Variants in IQSEC3 observed in about 807,000 individuals in gnomAD.
IQSEC3 encodes the protein IQ motif and Sec7 domain ArfGEF 3.
In IQSEC3, 50 loss-of-function variants were observed where a neutral mutation model predicts 105.4. The ratio of observed to expected loss-of-function variants is 0.47; its 90% confidence interval spans 0.38 to 0.60. The LOEUF (loss-of-function observed/expected upper bound fraction) is 0.60. Among genes scored for constraint, IQSEC3 ranks in the 20% least tolerant of loss-of-function variants. The probability of loss-of-function intolerance (pLI) is 0.00; values close to 1 mark genes in which losing one functional copy is unlikely to be tolerated. For synonymous variants in IQSEC3, 708 were observed against 746.0 expected, an observed-to-expected ratio of 0.95 and a Z score of 0.83; for missense variants, 1,415 against 1,630.0, an observed-to-expected ratio of 0.87 and a Z score of 2.27.
chr12:138,768 G>A lies in IQSEC3; in HGVS notation c.1405G>A (p.Glu469Lys), dbSNP rs781902421. The change falls in exon 4 of 14, where the codon GAG (glutamate) becomes AAG (lysine). Residue 469 changes from glutamate (E) to lysine (K), a missense_variant. Physicochemically the swap from Glu to Lys is moderately conservative, Grantham distance 56 (BLOSUM62 1). Around this residue, in one of 6 missense-constraint regions of IQSEC3, gnomAD observed 720 missense variants for 633.0 expected, o/e 1.14. Coordinates refer to ENST00000538872, the MANE Select transcript of IQSEC3 (RefSeq NM_001170738.2). The surrounding 1 kb of genome is among the most constrained non-coding windows in gnomAD (Gnocchi z 7.1). ...AGPGPGDDAAETPGLPPAHSG... is the reference protein window; with the variant it reads ...AGPGPGDDAAKTPGLPPAHSG... Reference sequence around the variant, plus strand: ...CCCCGGGCCCGGGGATGACGCCGCGGAGACCCCCGGCCTGCCCCCGGCCCA... The same window carrying A: ...CCCCGGGCCCGGGGATGACGCCGCGAAGACCCCCGGCCTGCCCCCGGCCCA... 14 of 1,581,850 alleles carry A rather than the reference G, an allele frequency of 8.9e-6. No individual in the cohort carries two copies. The highest frequency in any genetic ancestry group is 1.0e-5 in the Non-Finnish European group (12 of 1,168,242).
At chr12:154,584 G>A (rs1866619768) in intron 5 of IQSEC3, among the ~76,000 whole-genome samples, 1 of 152,186 alleles carries the variant, frequency 6.6e-6, no homozygotes. Flanking sequence ...GAGGACCCAG[G>A]CCTCTTTCTT....
intron 1 of IQSEC3, among the ~76,000 whole-genome samples, chr12:81,115 A>G (rs1366895523): frequency 6.6e-6 from 1 of 152,170 alleles, no homozygotes; most frequent in Admixed American, 6.5e-5. Context: ...AGTTGTCACA[A>G]ATGCTGATGG....
chr12:100,471 C>T (rs781978808), intron 2 of IQSEC3, among the ~76,000 whole-genome samples: 2 of 152,210 alleles, frequency 1.3e-5, no homozygotes, highest in Admixed American at 6.5e-5. Context: ...GGGGCACAGA[C>T]AGCCACCCCG....
chr12:117,211 C>T (rs560214175), intron 2 of IQSEC3, among the ~76,000 whole-genome samples: 1 of 151,970 alleles, frequency 6.6e-6, no homozygotes, highest in South Asian at 2.1e-4. Context: ...CAAGAGCAGA[C>T]GTGAAAGGTG....
chr12:135,615 A>T (rs2136989836), intron 3 of IQSEC3, among the ~76,000 whole-genome samples: 1 of 152,326 alleles, frequency 6.6e-6, no homozygotes, highest in Middle Eastern at 3.4e-3. Flanking sequence ...ATTTTGAGTT[A>T]ATAAAAAGAA....
At chr12:174,042 G>A (rs1207907846) in intron 13 of IQSEC3, among the ~76,000 whole-genome samples, 4 of 152,206 alleles carry the variant, frequency 2.6e-5, no homozygotes, top group South Asian at 4.1e-4. Flanking sequence ...GGTCATGGCC[G>A]TGGGGAGTCT....
chr12:131,128 A>ACAACAT (rs1555084973), intron 3 of IQSEC3, among the ~76,000 whole-genome samples: 2 of 147,234 alleles, frequency 1.4e-5, no homozygotes, highest in Non-Finnish European at 3.0e-5. Context: ...CTTCAGGCTC[A>ACAACAT]GCTGCCACAG....
Position 133,184 on chromosome 12 carries a change from C to A in IQSEC3, c.904-5083C>A, listed in dbSNP as rs149661586. 1.0e-3 allele frequency among the ~76,000 whole-genome samples: 154 copies of A among 152,332 alleles called. 3 individuals are homozygous for A. In the South Asian group the frequency reaches 0.017, roughly 17 times the overall value. On this transcript the variant is annotated intron_variant, in intron 3 of 13. Coordinates refer to ENST00000538872, the MANE Select transcript of IQSEC3 (RefSeq NM_001170738.2). ...GTGACCTGGAAGGCTCTGACTGACACAGCTCCCTTCTTAATTCATTGTTAA... is the reference window on the plus strand; with the variant it reads ...GTGACCTGGAAGGCTCTGACTGACAAAGCTCCCTTCTTAATTCATTGTTAA...
At chr12:104,150 A>G (rs1864561257) in intron 2 of IQSEC3, among the ~76,000 whole-genome samples, 1 of 152,106 alleles carries the variant, frequency 6.6e-6, no homozygotes, top group South Asian at 2.1e-4. Context: ...TATCTCACGT[A>G]ATTCTGTGAG....
intron 1 of IQSEC3, among the ~76,000 whole-genome samples, chr12:74,926 TA>T (rs376645123): frequency 6.6e-6 from 1 of 152,356 alleles, no homozygotes; most frequent in African/African-American, 2.4e-5. Context: ...CTCTCAACAT[TA>T]TGTGACGATG....
At chr12:120,181 A>G (rs904664) in intron 2 of IQSEC3, among the ~76,000 whole-genome samples, 145,104 of 152,264 alleles carry the variant, frequency 0.95, 69,373 homozygotes, top group Non-Finnish European at 0.99. Context: ...ACAGGCAAGT[A>G]CCAAGAATTG....
At chr12:105,898 C>T (rs1864631614) in intron 2 of IQSEC3, among the ~76,000 whole-genome samples, 1 of 152,176 alleles carries the variant, frequency 6.6e-6, no homozygotes, top group African/African-American at 2.4e-5. Context: ...CCTAGGCTGT[C>T]GCCAGAGGGT....
chr12:97,374 T>A (rs372080876), intron 1 of IQSEC3, among the ~76,000 whole-genome samples: 3 of 152,268 alleles, frequency 2.0e-5, no homozygotes, highest in Non-Finnish European at 4.4e-5. Flanking sequence ...GACATGTTTA[T>A]CTTTTTTTAA....
chr12:101,094 C>T (rs1268217444), intron 2 of IQSEC3, among the ~76,000 whole-genome samples: 1 of 152,178 alleles, frequency 6.6e-6, no homozygotes, highest in Non-Finnish European at 1.5e-5. Context: ...ATAACACACC[C>T]TTGAGAAGCC....
At chr12:144,729 C>T (rs958173896) in intron 5 of IQSEC3, among the ~76,000 whole-genome samples, 6 of 152,252 alleles carry the variant, frequency 3.9e-5, no homozygotes, top group Non-Finnish European at 1.5e-5. Context: ...TCACAGAAGA[C>T]ACATTCCAAG....
chr12:170,112 G>A (rs996682121), intron 12 of IQSEC3, among the ~76,000 whole-genome samples: 2 of 152,206 alleles, frequency 1.3e-5, no homozygotes, highest in African/African-American at 4.8e-5. Flanking sequence ...GGCTCTTTTC[G>A]CTATGTGGAG....
intron 5 of IQSEC3, chr12:143,765 C>A: frequency 5.7e-6 from 1 of 175,328 alleles, no homozygotes; most frequent in Non-Finnish European, 1.2e-5. Context: ...ATTTGTTATT[C>A]ATTCAACAAA....
intron 5 of IQSEC3, among the ~76,000 whole-genome samples, chr12:156,121 A>T (rs1866675532): frequency 6.6e-6 from 1 of 152,156 alleles, no homozygotes; most frequent in Non-Finnish European, 1.5e-5. Context: ...GACCAGAGGA[A>T]GGCGCCTGCT....
intron 7 of IQSEC3, among the ~76,000 whole-genome samples, chr12:160,620 T>C (rs1217752169): frequency 6.6e-6 from 1 of 152,136 alleles, no homozygotes; most frequent in African/African-American, 2.4e-5. Context: ...AGTCTTCTGC[T>C]GGAGTGAGGA....
Sources: allele counts gnomAD v4.1 joint callset (sites outside exome capture counted in the v4.1 genomes callset), GRCh38; gene constraint gnomAD v4.1.1; regional missense constraint gnomAD v4.1.1; non-coding constraint Gnocchi (gnomAD v3.1); transcripts MANE v1.5; gene names NCBI Gene and HGNC (gene_info 2026-07-23, HGNC 2026-07-21).